The following IDE variants were observed in gnomAD, a reference collection of about 807,000 sequenced individuals.
The protein encoded by IDE is insulin degrading enzyme.
A neutral mutation model predicts 133.2 loss-of-function variants in IDE; 58 were observed. That is an observed-to-expected ratio of 0.44 (90% CI 0.35 to 0.54). The LOEUF (loss-of-function observed/expected upper bound fraction) is 0.54. IDE is among the 20% of genes least tolerant of loss of function. The pLI, the probability that IDE is intolerant of heterozygous loss-of-function variation, is 0.00. For synonymous variants in IDE, 396 were observed against 421.3 expected (o/e 0.94, Z 0.73); for missense variants, 981 against 1,234.0 (o/e 0.79, Z 3.07).
chr10:92,567,014 G>C (rs140009024), intron 1 of IDE, among the ~76,000 whole-genome samples: 184 of 152,234 alleles, frequency 1.2e-3, no homozygotes, highest in Non-Finnish European at 2.3e-3. Context: ...CATCAATGTG[G>C]TTCTGATCTT....
intron 4 of IDE, among the ~76,000 whole-genome samples, chr10:92,521,237 G>A (rs1209820782): frequency 1.3e-5 from 2 of 152,134 alleles, no homozygotes; most frequent in African/African-American, 4.8e-5. Context: ...CATCATAAAT[G>A]ACCAGACATT....
At chr10:92,524,455 T>A (rs1378734723) in intron 4 of IDE, among the ~76,000 whole-genome samples, 423 of 5,738 alleles carry the variant, frequency 0.074, 57 homozygotes, top group African/African-American at 0.17. Flanking sequence ...TTTTATATAT[T>A]ATATATTTTA....
chr10:92,542,207 C>G (rs1005312047), intron 1 of IDE, among the ~76,000 whole-genome samples: 1 of 152,102 alleles, frequency 6.6e-6, no homozygotes, highest in Non-Finnish European at 1.5e-5. Context: ...TTCACTCTGT[C>G]ACCCAGGCAC....
intron 24 of IDE, 120 bp downstream of exon 24, chr10:92,455,456 G>C (rs1844942589): frequency 1.5e-6 from 1 of 665,228 alleles, no homozygotes; most frequent in African/African-American, 1.8e-5. Context: ...ACTCCAGCCT[G>C]GGTGACTGAG....
chr10:92,524,362 A>G (rs1331096873), intron 4 of IDE, among the ~76,000 whole-genome samples: 1 of 7,228 alleles, frequency 1.4e-4, no homozygotes, highest in Non-Finnish European at 2.4e-4. Flanking sequence ...TATATTTTAT[A>G]TTATAATATA....
intron 1 of IDE, among the ~76,000 whole-genome samples, chr10:92,570,083 G>C (rs1843717033): frequency 6.6e-6 from 1 of 151,588 alleles, no homozygotes; most frequent in Non-Finnish European, 1.5e-5. Flanking sequence ...CTCCAGCCTG[G>C]GCAACAGAAC....
At chr10:92,567,152 A>G (rs1424589308) in intron 1 of IDE, among the ~76,000 whole-genome samples, 2 of 152,182 alleles carry the variant, frequency 1.3e-5, no homozygotes, top group African/African-American at 2.4e-5. Context: ...AAAAGTGCCT[A>G]CAAGACTGTG....
At position 92,508,114 on chromosome 10, in the gene IDE, T is replaced by C. The variant is rs955861956; in HGVS notation, c.1152A>G (p.Leu384=). ...GTAAAAAGGTGAATCAATACTTACATAATCCTTCCTCGGTCAAGTCCACAT... is the reference window on the plus strand; with the variant it reads ...GTAAAAAGGTGAATCAATACTTACACAATCCTTCCTCGGTCAAGTCCACAT... ...IINVDLTEEG[L]LHVEDIILHM... is the part of the protein sequence containing the mutation. The change falls in exon 8 of 25, where the codon TTA becomes TTG. Residue 384 remains leucine (L), a splice_region_variant and synonymous_variant. Transcript: ENST00000265986. The C allele has an allele frequency of 6.2e-7, 1 of 1,604,960 alleles. No individual in the cohort carries two copies. The highest frequency in any genetic ancestry group is 8.5e-7 in the Non-Finnish European group (1 of 1,173,392).
intron 19 of IDE, among the ~76,000 whole-genome samples, chr10:92,466,528 G>T (rs1157810354): frequency 6.6e-6 from 1 of 151,934 alleles, no homozygotes; most frequent in African/African-American, 2.4e-5. Flanking sequence ...TGTTGGCCAC[G>T]CTGGTCTTGA....
intron 4 of IDE, among the ~76,000 whole-genome samples, chr10:92,528,812 C>T (rs1001047522): frequency 9.2e-5 from 14 of 152,174 alleles, no homozygotes; most frequent in African/African-American, 3.4e-4. Flanking sequence ...CGTGATGGCT[C>T]ATGCCTGTAA....
chr10:92,563,988 G>A (rs1185603716), intron 1 of IDE, among the ~76,000 whole-genome samples: 1 of 152,168 alleles, frequency 6.6e-6, no homozygotes, highest in Non-Finnish European at 1.5e-5. Flanking sequence ...GATGGAGGGA[G>A]TGGAAGCCAT....
intron 1 of IDE, among the ~76,000 whole-genome samples, chr10:92,568,213 G>A (rs982366831): frequency 1.3e-5 from 2 of 152,154 alleles, no homozygotes; most frequent in African/African-American, 4.8e-5. Flanking sequence ...ATTTGAGGGA[G>A]AGGTTCTGGC....
chr10:92,569,557 C>T lies in IDE; in HGVS notation c.98+4365G>A, dbSNP rs1435836024. Among the ~76,000 whole-genome samples, 4 of 152,002 alleles carry T rather than the reference C, an allele frequency of 2.6e-5. No homozygotes were observed. The East Asian group carries it at 7.7e-4, about 29-fold the overall frequency. On this transcript the variant is annotated intron_variant, in intron 1 of 24. Coordinates refer to ENST00000265986, the MANE Select transcript of IDE (RefSeq NM_004969.4). ...CTTTAGGAATCTTTAGGATGAAAGA[C>T]TCAGGAGGATTGGGTCTTGGGAATA...
Position 92,483,340 on chromosome 10 carries a change from G to A in IDE, c.1657-3C>T. The stretch of plus-strand genomic sequence containing the variant: ...CAAAGTTTGCTCATAGCTGTATCCT[G>A]TGATGGAGAAACAATTTGGTTAGGG... On this transcript the variant is annotated splice_region_variant and splice_polypyrimidine_tract_variant and intron_variant, in intron 13 of 24. Coordinates refer to ENST00000265986, the MANE Select transcript of IDE (RefSeq NM_004969.4). The A allele has an allele frequency of 1.3e-6, 2 of 1,573,962 alleles. No individual in the cohort carries two copies. The highest frequency in any genetic ancestry group is 1.7e-6 in the Non-Finnish European group (2 of 1,145,100).
intron 20 of IDE, among the ~76,000 whole-genome samples, chr10:92,464,713 C>A (rs936393952): frequency 6.6e-6 from 1 of 152,210 alleles, no homozygotes; most frequent in Non-Finnish European, 1.5e-5. Flanking sequence ...CTCTGTCACC[C>A]AAGCTGGAGT....
At chr10:92,479,671 G>A (rs1846495865) in intron 14 of IDE, 1 of 360,196 alleles carries the variant, frequency 2.8e-6, no homozygotes, top group Non-Finnish European at 5.1e-6. Flanking sequence ...TAGTGAAGAA[G>A]GAGAAGGAAC....
intron 11 of IDE, among the ~76,000 whole-genome samples, chr10:92,491,055 T>C (rs1255583488): frequency 6.6e-6 from 1 of 151,500 alleles, no homozygotes; most frequent in African/African-American, 2.4e-5. Context: ...CTGGGCAAAA[T>C]AGTGGGACCC....
intron 22 of IDE, among the ~76,000 whole-genome samples, chr10:92,458,869 C>T (rs927737330): frequency 4.0e-5 from 6 of 151,896 alleles, no homozygotes; most frequent in South Asian, 2.1e-4. Flanking sequence ...TGGGCTCTAG[C>T]GATCTTCCTG....
chr10:92,573,701 C>G (rs1843906120), intron 1 of IDE, among the ~76,000 whole-genome samples: 1 of 152,238 alleles, frequency 6.6e-6, no homozygotes, highest in African/African-American at 2.4e-5. Flanking sequence ...GCCCAAGGGA[C>G]GTCCCCGACT....
Sources: allele counts gnomAD v4.1 joint callset (sites outside exome capture counted in the v4.1 genomes callset), GRCh38; gene constraint gnomAD v4.1.1; transcripts MANE v1.5; gene names NCBI Gene and HGNC (gene_info 2026-07-23, HGNC 2026-07-21).